The following SCN8A variants were observed in gnomAD, a reference collection of about 807,000 sequenced individuals.
SCN8A encodes sodium channel protein type 8 subunit alpha.
SCN8A carries 30 observed loss-of-function variants against 184.1 expected under a neutral mutation model. The ratio of observed to expected loss-of-function variants is 0.16; its 90% CI spans 0.12 to 0.22. The LOEUF (loss-of-function observed/expected upper bound fraction) is 0.22, where lower values mean the gene tolerates loss of function less well. Among genes scored for constraint, SCN8A ranks in the 10% least tolerant of loss-of-function variants. The pLI is 1.00. For missense variants in SCN8A, 1,057 were observed against 2,498.9 expected (o/e 0.42, Z 12.30); for synonymous variants, 852 against 907.0 (o/e 0.94, Z 1.09).
intron 14 of SCN8A, among the ~76,000 whole-genome samples, chr12:51,757,500 G>T (rs1942694884): frequency 6.6e-6 from 1 of 152,190 alleles, no homozygotes; most frequent in Non-Finnish European, 1.5e-5. Context: ...TGCAATGAGG[G>T]CTGAAGGAGG....
chr12:51,606,903 TA>T (rs200984227), intron 1 of SCN8A, among the ~76,000 whole-genome samples: 18 of 151,424 alleles, frequency 1.2e-4, no homozygotes, highest in East Asian at 1.9e-4. Context: ...TTTATTTATT[TA>T]TTTTTTTTTT....
chr12:51,678,261 C>T (rs115899078), intron 2 of SCN8A, among the ~76,000 whole-genome samples: 38 of 152,278 alleles, frequency 2.5e-4, no homozygotes, highest in African/African-American at 7.9e-4. Flanking sequence ...CATTGTGTGA[C>T]GCAGTTCTGC....
chr12:51,607,930 T>A (rs1008480663), intron 1 of SCN8A, among the ~76,000 whole-genome samples: 4 of 152,278 alleles, frequency 2.6e-5, no homozygotes, highest in Admixed American at 6.5e-5. Context: ...ATTAGGGTGA[T>A]GCTGGCTTCA....
intron 6 of SCN8A, among the ~76,000 whole-genome samples, chr12:51,697,852 T>C: frequency 6.6e-6 from 1 of 152,166 alleles, no homozygotes; most frequent in Admixed American, 6.5e-5. Flanking sequence ...TTTTTGTTGT[T>C]GTTGTTTTGT....
intron 25 of SCN8A, among the ~76,000 whole-genome samples, chr12:51,793,558 T>C (rs1393352242): frequency 4.6e-5 from 7 of 152,032 alleles, no homozygotes; most frequent in Non-Finnish European, 1.0e-4. Flanking sequence ...TGAGCTCTCA[T>C]AGAGCAAAAA....
At chr12:51,602,608 T>C (rs1939491790) in intron 1 of SCN8A, among the ~76,000 whole-genome samples, 1 of 152,172 alleles carries the variant, frequency 6.6e-6, no homozygotes, top group Non-Finnish European at 1.5e-5. Context: ...GTAAATTTTA[T>C]GTATATTTTA....
Position 51,601,675 on chromosome 12 carries a change from G to T in SCN8A, c.-55+10316G>T, listed in dbSNP as rs554422866. Among the ~76,000 whole-genome samples, 245 of 151,908 alleles carry T rather than the reference G, an allele frequency of 1.6e-3. 1 individual carries two copies. The highest frequency in any genetic ancestry group is 5.5e-3 in the African/African-American group (226 of 41,390). ...AGATTAAAATTAAAGTCTGACCCTT[G>T]GGGGCTGATGTGCTTTGTTCCTAGC... is the stretch of plus-strand genomic sequence containing the variant. On this transcript the variant is annotated intron_variant, in intron 1 of 26. Transcript: ENST00000627620.
chr12:51,786,431 TA>T, intron 21 of SCN8A, 110 bp from the exon 22 acceptor site: 3 of 1,195,806 alleles, frequency 2.5e-6, no homozygotes, highest in Non-Finnish European at 3.6e-6. Context: ...AAAGGGAATG[TA>T]ATGTTTCCAT....
At chr12:51,795,206 T>C (rs1938375233) in intron 26 of SCN8A, among the ~76,000 whole-genome samples, 3 of 152,206 alleles carry the variant, frequency 2.0e-5, no homozygotes, top group South Asian at 4.1e-4. Context: ...ACTGTATACA[T>C]GTCCACAGCC....
intron 9 of SCN8A, among the ~76,000 whole-genome samples, chr12:51,703,967 G>A (rs886180259): frequency 2.6e-5 from 4 of 151,814 alleles, no homozygotes; most frequent in African/African-American, 9.7e-5. Context: ...GTGCAGAGGC[G>A]CAATCTCTGT....
At chr12:51,689,176 A>G in intron 6 of SCN8A, 80 bp downstream of exon 6, 2 of 1,082,956 alleles carry the variant, frequency 1.8e-6, no homozygotes, top group Non-Finnish European at 1.4e-6. Context: ...ATTCTAAAGC[A>G]GCATCAGTAC....
chr12:51,595,163 C>T (rs1003907942), intron 1 of SCN8A, among the ~76,000 whole-genome samples: 5 of 152,114 alleles, frequency 3.3e-5, no homozygotes, highest in Admixed American at 1.3e-4. Context: ...TCTAAGCTGG[C>T]GAGCACCCGC....
intron 1 of SCN8A, among the ~76,000 whole-genome samples, chr12:51,656,833 AG>A (rs1026397931): frequency 7.2e-5 from 11 of 152,212 alleles, no homozygotes; most frequent in Non-Finnish European, 1.3e-4. Flanking sequence ...TAAAAAAAAA[AG>A]GTAAGAAAAA....
Position 51,769,960 on chromosome 12 carries a change from G to A in SCN8A, c.3465G>A (p.Leu1155=). Residue 1155 remains leucine (L), a synonymous_variant, in exon 18 of 27, where the codon TTG becomes TTA. Coordinates refer to ENST00000627620, the MANE Select transcript of SCN8A (RefSeq NM_001330260.2). ...EVPVEQPEEY[L]DPDACFTEGC... ...CTGTGGAACAGCCTGAGGAATACTT[G>A]GATCCAGATGCCTGCTTCACAGAAG... 1 of 1,602,276 alleles carries A rather than the reference G, an allele frequency of 6.2e-7. No individual in the cohort carries two copies. The highest frequency in any genetic ancestry group is 8.5e-7 in the Non-Finnish European group (1 of 1,174,250).
intron 1 of SCN8A, among the ~76,000 whole-genome samples, chr12:51,612,586 T>G (rs1326703876): frequency 5.9e-5 from 9 of 152,268 alleles, no homozygotes; most frequent in Non-Finnish European, 1.3e-4. Context: ...TGAATTGATA[T>G]GATCATATGA....
At chr12:51,761,433 A>T (rs536008155) in intron 14 of SCN8A, among the ~76,000 whole-genome samples, 75 of 150,746 alleles carry the variant, frequency 5.0e-4, no homozygotes, top group Non-Finnish European at 9.9e-4. Flanking sequence ...ACCCAATAGA[A>T]TTTTATTCAC....
intron 26 of SCN8A, 25 bp downstream of exon 26, chr12:51,794,666 G>T (rs774550277): frequency 6.2e-7 from 1 of 1,607,024 alleles, no homozygotes; most frequent in Non-Finnish European, 8.5e-7. Context: ...GGAAGTAGGC[G>T]AGGGGAAAGG....
At chr12:51,675,626 A>G (rs890069047) in intron 2 of SCN8A, among the ~76,000 whole-genome samples, 1 of 152,190 alleles carries the variant, frequency 6.6e-6, no homozygotes, top group Non-Finnish European at 1.5e-5. Context: ...CCTGCTCACT[A>G]GTGCTGTGAC....
At chr12:51,615,374 G>T (rs1939813222) in intron 1 of SCN8A, among the ~76,000 whole-genome samples, 1 of 152,102 alleles carries the variant, frequency 6.6e-6, no homozygotes, top group South Asian at 2.1e-4. Flanking sequence ...GAGCAACATG[G>T]TAAAACCCTA....
Sources: allele counts gnomAD v4.1 joint callset (sites outside exome capture counted in the v4.1 genomes callset), GRCh38; gene constraint gnomAD v4.1.1; transcripts MANE v1.5; gene names NCBI Gene and HGNC (gene_info 2026-07-23, HGNC 2026-07-21).